The following P2RX5 variants were observed in gnomAD, a reference collection of about 807,000 sequenced individuals.
P2RX5 encodes the protein P2X purinoceptor 5.
In P2RX5, 46 loss-of-function variants were observed where a neutral mutation model predicts 54.1. The observed-to-expected ratio is 0.85, with a 90% CI of 0.67 to 1.09. The LOEUF (loss-of-function observed/expected upper bound fraction) is 1.09. Ranked by LOEUF, P2RX5 falls within the 50% of genes least tolerant of loss-of-function variation. P2RX5 has a pLI of 0.00. For synonymous variants in P2RX5, 226 were observed against 226.4 expected, an observed-to-expected ratio of 1.00 and a Z score of 0.02; for missense variants, 566 against 549.8, an observed-to-expected ratio of 1.03 and a Z score of -0.29.
the P2RX5 span, chr17:3,714,567 T>C: frequency 0.42 from 120,621 of 286,272 alleles, 28,690 homozygotes; most frequent in South Asian, 0.58. Flanking sequence ...AAACTTGCCC[T>C]ATCAGGCAAA....
At chr17:3,722,031 T>G in the P2RX5 span, among the ~76,000 whole-genome samples, 2 of 151,574 alleles carry the variant, frequency 1.3e-5, no homozygotes, top group Admixed American at 6.6e-5. Flanking sequence ...AATACAAAAT[T>G]AGCCGGGTAT....
chr17:3,681,857 GGGCTGCCCTCGGGCCGCC>G, intron 10 of P2RX5, 21 bp downstream of exon 10: 1 of 1,398,154 alleles, frequency 7.2e-7, no homozygotes, highest in Non-Finnish European at 1.0e-6. Flanking sequence ...GTGCTCCACA[GGGCTGCCCTCGGGCCGCC>G]GGCCTGGAAG....
the P2RX5 span, chr17:3,716,609 G>A: frequency 1.2e-6 from 1 of 836,578 alleles, no homozygotes; most frequent in South Asian, 1.5e-5. Flanking sequence ...CTAAGTCAGA[G>A]GTTGGCTGTC....
At chr17:3,699,912 A>AGGAG (rs2050805744), upstream of P2RX5, among the ~76,000 whole-genome samples, 1 of 49,876 alleles carries the variant, frequency 2.0e-5, no homozygotes, top group East Asian at 4.0e-4. Context: ...GAAGGAAGGA[A>AGGAG]GGAAGGAAAG....
Position 3,688,615 on chromosome 17 carries a change from G to A in P2RX5, c.887+11C>T, listed in dbSNP as rs776924942. The A allele has an allele frequency of 6.2e-7, 1 of 1,613,994 alleles. No homozygotes were observed. Among genetic ancestry groups the A allele is most frequent in the Non-Finnish European group, 8.5e-7 (1 of 1,179,914 alleles). On this transcript the variant is annotated intron_variant, in intron 8 of 11. Coordinates refer to ENST00000225328, the MANE Select transcript of P2RX5 (RefSeq NM_002561.4). Reference sequence around the variant, plus strand: ...TGGTCAGGTCACAAGTGGGCACAAGGCAGCGGTTACCTGAAGTTGTACCCG... The same window carrying A: ...TGGTCAGGTCACAAGTGGGCACAAGACAGCGGTTACCTGAAGTTGTACCCG...
intron 1 of P2RX5, among the ~76,000 whole-genome samples, chr17:3,692,409 G>T (rs1372323544): frequency 6.6e-6 from 1 of 152,188 alleles, no homozygotes; most frequent in Non-Finnish European, 1.5e-5. Context: ...CCACATACTG[G>T]TTTGGTGACC....
intron 9 of P2RX5, among the ~76,000 whole-genome samples, chr17:3,683,428 A>G (rs1048522397): frequency 2.6e-5 from 4 of 152,126 alleles, no homozygotes; most frequent in Non-Finnish European, 5.9e-5. Flanking sequence ...GATTTTACCC[A>G]CATCACAAGA....
chr17:3,684,033 C>A lies in P2RX5; in HGVS notation c.982-2055G>T, dbSNP rs560425654. On this transcript the variant is annotated intron_variant, in intron 9 of 11. Transcript: ENST00000225328. The stretch of plus-strand genomic sequence containing the variant: ...GGAAAGGGACCTGCCGGGATGGGCA[C>A]TGACCACTCCCATGGCTCTCAAAAA... 4.6e-5 allele frequency among the ~76,000 whole-genome samples: 7 copies of A among 152,390 alleles called. No homozygotes were observed. The East Asian group carries it at 1.3e-3, about 29-fold the overall frequency.
At chr17:3,721,260 CTTTTTTTTT>C in the P2RX5 span, among the ~76,000 whole-genome samples, 97 of 46,218 alleles carry the variant, frequency 2.1e-3, 2 homozygotes, top group Non-Finnish European at 2.4e-3. Flanking sequence ...GAGATTTTTC[CTTTTTTTTT>C]TTTTTTTTTT....
chr17:3,721,157 G>A, the P2RX5 span, among the ~76,000 whole-genome samples: 1 of 151,556 alleles, frequency 6.6e-6, no homozygotes, highest in African/African-American at 2.4e-5. Context: ...TCAAACTCCT[G>A]GGCTCAAGCA....
At chr17:3,723,759 A>C in the P2RX5 span, 12 of 1,606,406 alleles carry the variant, frequency 7.5e-6, no homozygotes, top group Non-Finnish European at 1.0e-5. Flanking sequence ...AACGAGAGCC[A>C]TGACCGCGAC....
intron 1 of P2RX5, among the ~76,000 whole-genome samples, chr17:3,694,147 T>A (rs1002990947): frequency 1.4e-5 from 2 of 146,442 alleles, no homozygotes; most frequent in Non-Finnish European, 3.0e-5. Context: ...CAGGATAGTA[T>A]CAGCCACAGA....
the P2RX5 span, among the ~76,000 whole-genome samples, chr17:3,702,193 T>C: frequency 6.9e-6 from 1 of 144,464 alleles, no homozygotes; most frequent in African/African-American, 2.5e-5. Flanking sequence ...GGATTGTAAA[T>C]GCACCAATCA....
At chr17:3,693,053 A>C (rs889356446) in intron 1 of P2RX5, among the ~76,000 whole-genome samples, 1 of 151,088 alleles carries the variant, frequency 6.6e-6, no homozygotes, top group Non-Finnish European at 1.5e-5. Context: ...GATACAAAAA[A>C]CTCTTATAAT....
chr17:3,708,252 G>C, the P2RX5 span, among the ~76,000 whole-genome samples: 2 of 152,006 alleles, frequency 1.3e-5, no homozygotes, highest in East Asian at 3.9e-4. Flanking sequence ...TCATCTGTAA[G>C]ACTTAGCTCC....
intron 11 of P2RX5, chr17:3,675,378 G>A: frequency 1.0e-6 from 1 of 985,310 alleles, no homozygotes; most frequent in Non-Finnish European, 1.2e-6. Flanking sequence ...CAAATAGTAT[G>A]ACTATCCTCA....
upstream of P2RX5, among the ~76,000 whole-genome samples, chr17:3,699,850 GA>G (rs61413924): frequency 0.018 from 1,375 of 78,206 alleles, 50 homozygotes; most frequent in Middle Eastern, 0.031. Context: ...GAAAGAAAAA[GA>G]AAAAAGAAAG....
At chr17:3,681,823 G>A (rs1353249838) in intron 10 of P2RX5, 73 bp downstream of exon 10, 1 of 992,700 alleles carries the variant, frequency 1.0e-6, no homozygotes, top group Admixed American at 1.7e-5. Flanking sequence ...TATCACATCA[G>A]GGCAAAGGCT....
the P2RX5 span, among the ~76,000 whole-genome samples, chr17:3,708,296 A>G: frequency 6.6e-6 from 1 of 152,224 alleles, no homozygotes; most frequent in African/African-American, 2.4e-5. Context: ...CTCTAATCCT[A>G]TTAAAGTCAA....
Sources: allele counts gnomAD v4.1 joint callset (sites outside exome capture counted in the v4.1 genomes callset), GRCh38; gene constraint gnomAD v4.1.1; transcripts MANE v1.5; gene names NCBI Gene and HGNC (gene_info 2026-07-23, HGNC 2026-07-21).